NBEA: variants seen among roughly 807,000 people sequenced by gnomAD.
NBEA encodes the protein lysosomal-trafficking regulator 2.
NBEA carries 44 observed loss-of-function variants against 343.4 expected under a neutral mutation model. The ratio of observed to expected loss-of-function variants is 0.13; its 90% CI spans 0.10 to 0.16. The LOEUF (loss-of-function observed/expected upper bound fraction) is 0.16, where lower values mean the gene tolerates loss of function less well. Ranked by LOEUF, NBEA falls within the 10% of genes least tolerant of loss-of-function variation. The pLI is 1.00. For missense variants in NBEA, 2,555 were observed against 3,631.3 expected, an observed-to-expected ratio of 0.70 and a Z score of 7.62; for synonymous variants, 1,175 against 1,238.7, an observed-to-expected ratio of 0.95 and a Z score of 1.08.
chr13:34,960,217 A>G (rs1355408545), intron 1 of NBEA, among the ~76,000 whole-genome samples: 1 of 152,144 alleles, frequency 6.6e-6, no homozygotes, highest in African/African-American at 2.4e-5. Flanking sequence ...TTTAACACAA[A>G]AGTTTAAAAA....
chr13:35,124,703 CATAT>C (rs1280247623), intron 17 of NBEA, among the ~76,000 whole-genome samples: 15 of 150,704 alleles, frequency 1.0e-4, no homozygotes, highest in Non-Finnish European at 1.9e-4. Flanking sequence ...TATATACACA[CATAT>C]ATGTATGGAT....
intron 38 of NBEA, among the ~76,000 whole-genome samples, chr13:35,425,632 G>C (rs1456858331): frequency 6.6e-6 from 1 of 152,172 alleles, no homozygotes; most frequent in African/African-American, 2.4e-5. Context: ...CGTTGATTTG[G>C]GGTGGACAGT....
At chr13:35,523,210 A>G (rs111941013) in intron 41 of NBEA, among the ~76,000 whole-genome samples, 24 of 152,262 alleles carry the variant, frequency 1.6e-4, no homozygotes, top group African/African-American at 3.9e-4. Flanking sequence ...TAATCACTCT[A>G]TTGTCCCCAT....
intron 33 of NBEA, among the ~76,000 whole-genome samples, chr13:35,231,915 G>A (rs7986691): frequency 0.24 from 36,615 of 151,956 alleles, 5,776 homozygotes; most frequent in African/African-American, 0.45. Context: ...AGAATGTCAA[G>A]TAGTGCTTAT....
chr13:35,257,125 G>A (rs1192679148), intron 34 of NBEA, among the ~76,000 whole-genome samples: 1 of 152,238 alleles, frequency 6.6e-6, no homozygotes, highest in Non-Finnish European at 1.5e-5. Flanking sequence ...GAGAAAGGAA[G>A]TGGATAGAGT....
At chr13:35,383,530 A>G (rs2042105775) in intron 38 of NBEA, among the ~76,000 whole-genome samples, 1 of 152,118 alleles carries the variant, frequency 6.6e-6, no homozygotes, top group Non-Finnish European at 1.5e-5. Flanking sequence ...CTCAAGGCAG[A>G]GATAATCCAA....
intron 49 of NBEA, among the ~76,000 whole-genome samples, chr13:35,635,673 C>T (rs1043316691): frequency 6.6e-6 from 1 of 152,164 alleles, no homozygotes; most frequent in Non-Finnish European, 1.5e-5. Flanking sequence ...GTGTTTCTCA[C>T]TGCAAAGGTT....
chr13:35,662,770 AT>A (rs554513761), intron 55 of NBEA, among the ~76,000 whole-genome samples: 16 of 151,896 alleles, frequency 1.1e-4, no homozygotes, highest in Admixed American at 4.6e-4. Flanking sequence ...ATTTTTATAC[AT>A]TTTTTTTCTC....
intron 38 of NBEA, among the ~76,000 whole-genome samples, chr13:35,413,198 T>A (rs2043695321): frequency 6.6e-6 from 1 of 152,128 alleles, no homozygotes; most frequent in Non-Finnish European, 1.5e-5. Context: ...AGTACAATTT[T>A]AAAATGTGTA....
chr13:35,323,387 A>G (rs909780940), intron 36 of NBEA, among the ~76,000 whole-genome samples: 35 of 144,904 alleles, frequency 2.4e-4, no homozygotes, highest in Non-Finnish European at 4.0e-4. Context: ...TGCAGCCATA[A>G]AAAAATGATG....
chr13:35,008,622 A>G (rs966400546), intron 1 of NBEA, among the ~76,000 whole-genome samples: 2 of 152,156 alleles, frequency 1.3e-5, no homozygotes, highest in Non-Finnish European at 2.9e-5. Flanking sequence ...ACAATGTTGT[A>G]TAATCATCAT....
chr13:35,589,352 G>A (rs773464624), intron 46 of NBEA, among the ~76,000 whole-genome samples: 14 of 152,212 alleles, frequency 9.2e-5, no homozygotes, highest in South Asian at 2.1e-4. Flanking sequence ...TCTGAAGGGC[G>A]ATAGTAGGGA....
intron 26 of NBEA, 96 bp from the exon 27 acceptor site, chr13:35,173,368 G>C: frequency 9.1e-7 from 1 of 1,097,474 alleles, no homozygotes; most frequent in African/African-American, 1.6e-5. Flanking sequence ...ATGAAGCAAG[G>C]GGAAAGAAAG....
At position 35,046,079 on chromosome 13, in the gene NBEA, T is replaced by A. The variant is rs116283461; in HGVS notation, c.723+678T>A. Among the ~76,000 whole-genome samples the A allele has an allele frequency of 7.4e-3, 1,128 of 152,226 alleles. 13 individuals carry two copies. The highest frequency in any genetic ancestry group is 0.026 in the African/African-American group (1,067 of 41,544). Reference sequence around the variant, plus strand: ...TCACTTCCCGTGATGCTTTTGAGATTTTTCCATGTTGTAGTTTTAATTACT... The same window carrying A: ...TCACTTCCCGTGATGCTTTTGAGATATTTCCATGTTGTAGTTTTAATTACT... On this transcript the variant is annotated intron_variant, in intron 4 of 58. Transcript: ENST00000379939.
At chr13:35,547,467 C>T (rs181718683) in intron 41 of NBEA, among the ~76,000 whole-genome samples, 51 of 152,264 alleles carry the variant, frequency 3.3e-4, no homozygotes, top group Non-Finnish European at 4.9e-4. Context: ...TGTGTATTAG[C>T]TGGGATCCAG....
intron 10 of NBEA, among the ~76,000 whole-genome samples, chr13:35,097,409 T>C (rs2152637030): frequency 6.6e-6 from 1 of 152,056 alleles, no homozygotes; most frequent in South Asian, 2.1e-4. Context: ...CATTGTAAAT[T>C]GATACTATTT....
chr13:35,500,367 G>A (rs904383700), intron 41 of NBEA, among the ~76,000 whole-genome samples: 1 of 152,100 alleles, frequency 6.6e-6, no homozygotes, highest in African/African-American at 2.4e-5. Flanking sequence ...CAGGGAAGAG[G>A]GGGAAAGGCT....
chr13:34,978,657 T>TC (rs1470430525), intron 1 of NBEA, among the ~76,000 whole-genome samples: 1 of 152,166 alleles, frequency 6.6e-6, no homozygotes, highest in African/African-American at 2.4e-5. Context: ...GGTTTTTTTT[T>TC]CCCACCATAG....
In NBEA at chr13:35,350,744, G is replaced by C. The variant is rs2040154301; in HGVS notation, c.6013-1413G>C. On this transcript the variant is annotated intron_variant, in intron 37 of 58. Transcript: ENST00000379939. ...GAGCTATTGATGTGTGTGTGTGTGT[G>C]TGTGTGTGTGTGTGTGTGTGTGTGT... Among the ~76,000 whole-genome samples, 21 of 118,350 alleles carry C rather than the reference G, an allele frequency of 1.8e-4. No individual in the cohort carries two copies. In the South Asian group the frequency reaches 5.8e-3, roughly 32 times the overall value. 77.6% of individuals were successfully genotyped at this position (118,350 alleles called of 152,430 possible). A position where few individuals can be genotyped will look rare whatever the true frequency, so the allele number is the denominator to read the frequency against.
Sources: allele counts gnomAD v4.1 joint callset (sites outside exome capture counted in the v4.1 genomes callset), GRCh38; gene constraint gnomAD v4.1.1; transcripts MANE v1.5; gene names NCBI Gene and HGNC (gene_info 2026-07-23, HGNC 2026-07-21).